MCTP2: variants seen among roughly 807,000 people sequenced by gnomAD.
MCTP2 encodes multiple C2 and transmembrane domain containing 2, also known as multiple C2 and transmembrane domain-containing protein 2.
MCTP2 carries 132 observed loss-of-function variants against 111.6 expected under a neutral mutation model. The observed-to-expected ratio is 1.18, with a 90% confidence interval of 1.03 to 1.37. MCTP2 has a LOEUF of 1.37. MCTP2 is among the 40% of genes most tolerant of loss of function. The pLI, the probability that MCTP2 is intolerant of heterozygous loss-of-function variation, is 0.00. For missense variants in MCTP2, 1,183 were observed against 1,067.9 expected (o/e 1.11, Z -1.50); for synonymous variants, 395 against 387.7 (o/e 1.02, Z -0.22).
chr15:94,349,568 TAAA>T (rs1290268830), intron 8 of MCTP2, among the ~76,000 whole-genome samples: 1 of 151,808 alleles, frequency 6.6e-6, no homozygotes, highest in African/African-American at 2.4e-5. Flanking sequence ...AGCCCTCAGA[TAAA>T]AAAAGACTGG....
chr15:94,438,981 T>C (rs1338365527), intron 17 of MCTP2, among the ~76,000 whole-genome samples: 1 of 152,170 alleles, frequency 6.6e-6, no homozygotes, highest in Non-Finnish European at 1.5e-5. Flanking sequence ...AGAGGATCCT[T>C]AATTGTAGAT....
intron 1 of MCTP2, among the ~76,000 whole-genome samples, chr15:94,264,479 G>A (rs1387933075): frequency 6.6e-6 from 1 of 151,946 alleles, no homozygotes; most frequent in Non-Finnish European, 1.5e-5. Flanking sequence ...CATGGTGGCG[G>A]GCACCTGTAG....
intron 17 of MCTP2, among the ~76,000 whole-genome samples, chr15:94,417,474 T>G (rs912266415): frequency 6.6e-6 from 1 of 152,078 alleles, no homozygotes; most frequent in Non-Finnish European, 1.5e-5. Flanking sequence ...AACTTTTATT[T>G]TGGTGCACAA....
chr15:94,241,665 C>G (rs921563159), intron 1 of MCTP2, among the ~76,000 whole-genome samples: 1 of 151,376 alleles, frequency 6.6e-6, no homozygotes, highest in African/African-American at 2.4e-5. Flanking sequence ...TATTTTTTTT[C>G]TGGAAATGAG....
chr15:94,323,672 GTCTT>G (rs1367870392), intron 4 of MCTP2, among the ~76,000 whole-genome samples: 4 of 152,178 alleles, frequency 2.6e-5, no homozygotes, highest in Admixed American at 2.6e-4. Context: ...TGCTGTAGTG[GTCTT>G]TCTAAGAACG....
chr15:94,309,739 T>G (rs2076043007), intron 2 of MCTP2, among the ~76,000 whole-genome samples: 1 of 152,198 alleles, frequency 6.6e-6, no homozygotes, highest in African/African-American at 2.4e-5. Flanking sequence ...TGCATTCTTA[T>G]GGTAGGAAAA....
rs1219161908 is a variant in MCTP2 at position 94,474,790 on chromosome 15, T to C, written c.2471-1906T>C. ...GCAAAATTATTGAAACTTTTGATCC[T>C]GGACACCTTCATAAATAAGGTGTGC... is the stretch of plus-strand genomic sequence containing the variant. On this transcript the variant is annotated intron_variant, in intron 21 of 22. Transcript: ENST00000357742. 2.6e-5 allele frequency among the ~76,000 whole-genome samples: 4 copies of C among 152,156 alleles called. No individual in the cohort carries two copies. The South Asian group carries it at 6.2e-4, about 24-fold the overall frequency.
At chr15:94,348,644 A>G (rs550265696) in intron 8 of MCTP2, among the ~76,000 whole-genome samples, 157 of 149,460 alleles carry the variant, frequency 1.1e-3, no homozygotes, top group African/African-American at 3.5e-3. Context: ...GCCCTCTCTC[A>G]CTGTACCGCT....
intron 17 of MCTP2, among the ~76,000 whole-genome samples, chr15:94,408,875 G>C (rs1394857582): frequency 6.6e-6 from 1 of 152,190 alleles, no homozygotes; most frequent in East Asian, 1.9e-4. Context: ...TAAATGGTTA[G>C]CTCCCCCTTT....
intron 1 of MCTP2, among the ~76,000 whole-genome samples, chr15:94,244,008 C>T (rs1257219159): frequency 6.2e-5 from 9 of 146,302 alleles, no homozygotes; most frequent in African/African-American, 2.2e-4. Flanking sequence ...TTTATGCACA[C>T]ATATGTATAC....
intron 6 of MCTP2, 100 bp from the exon 7 acceptor site, chr15:94,340,713 A>C: frequency 1.5e-6 from 1 of 664,054 alleles, no homozygotes. Flanking sequence ...TCTAATCCTT[A>C]TTCAGAGGTA....
rs1282776385 is a variant in MCTP2, at chr15:94,480,363, A to G, written c.*1329A>G. 1 of 151,912 alleles carries G rather than the reference A, an allele frequency of 6.6e-6. No individual in the cohort carries two copies. Among genetic ancestry groups the G allele is most frequent in the Non-Finnish European group, 1.5e-5 (1 of 68,010 alleles). The allele number at this position is 151,912 out of a possible 1,614,324, so 9.4% of individuals were successfully genotyped here. The stretch of plus-strand genomic sequence containing the variant: ...TCTGGGTTGTAATTTAATAATCTTC[A>G]AACAAAATGTTTACGAAAAATGCCA... On this transcript the variant is annotated 3_prime_UTR_variant, in exon 23 of 23. Transcript: ENST00000357742.
intron 1 of MCTP2, among the ~76,000 whole-genome samples, chr15:94,276,522 G>A (rs1280254824): frequency 6.6e-6 from 1 of 151,744 alleles, no homozygotes; most frequent in Non-Finnish European, 1.5e-5. Flanking sequence ...GCTGAAAGTA[G>A]TATAACACAT....
At chr15:94,380,629 G>A (rs771184029) in intron 12 of MCTP2, among the ~76,000 whole-genome samples, 6 of 151,954 alleles carry the variant, frequency 3.9e-5, no homozygotes, top group South Asian at 2.1e-4. Flanking sequence ...TTAGCTGGGC[G>A]TGGTGGCACG....
rs2074090325 is a variant in MCTP2 at position 94,473,410 on chromosome 15, A to T, written c.2470+2968A>T. 2.0e-5 allele frequency among the ~76,000 whole-genome samples: 3 copies of T among 152,324 alleles called. No individual in the cohort carries two copies. The South Asian group carries it at 6.2e-4, about 32-fold the overall frequency. ...ATGACCTCTCCTGTGTAGGAGTGTG[A>T]TTTTTGAAAATTAAGTGAGAAGTAG... On this transcript the variant is annotated intron_variant, in intron 21 of 22. Transcript: ENST00000357742.
chr15:94,398,913 A>G (rs1231544514), intron 14 of MCTP2, 48 bp from the exon 15 acceptor site: 5 of 1,158,654 alleles, frequency 4.3e-6, no homozygotes, highest in Non-Finnish European at 6.4e-6. Context: ...ACTTTAAACC[A>G]CATAGTAATT....
chr15:94,273,833 A>C (rs1248489723), intron 1 of MCTP2: 1 of 221,084 alleles, frequency 4.5e-6, no homozygotes, highest in African/African-American at 2.3e-5. Flanking sequence ...GCAGTGTGAG[A>C]GGGCCAACGG....
chr15:94,302,146 T>C (rs1025946755), intron 2 of MCTP2, among the ~76,000 whole-genome samples: 4 of 151,788 alleles, frequency 2.6e-5, no homozygotes, highest in Non-Finnish European at 5.9e-5. Flanking sequence ...TCCCTAGGGG[T>C]TTGCCTCTTC....
At chr15:94,286,598 TA>T (rs1348752681) in intron 1 of MCTP2, among the ~76,000 whole-genome samples, 1 of 152,230 alleles carries the variant, frequency 6.6e-6, no homozygotes, top group Non-Finnish European at 1.5e-5. Flanking sequence ...AAATGCTCTG[TA>T]AAATTATGCT....
Sources: allele counts gnomAD v4.1 joint callset (sites outside exome capture counted in the v4.1 genomes callset), GRCh38; gene constraint gnomAD v4.1.1; transcripts MANE v1.5; gene names NCBI Gene and HGNC (gene_info 2026-07-23, HGNC 2026-07-21).